The following PCDHA3 variants were observed in gnomAD, a reference collection of about 807,000 sequenced individuals.
PCDHA3 encodes protocadherin alpha-3.
A neutral mutation model predicts 62.2 loss-of-function variants in PCDHA3; 41 were observed. The observed-to-expected ratio is 0.66, with a 90% CI of 0.51 to 0.86. The LOEUF is 0.86. Ranked by LOEUF, PCDHA3 falls within the 40% of genes least tolerant of loss-of-function variation. The pLI, the probability that PCDHA3 is intolerant of heterozygous loss-of-function variation, is 0.00. For missense variants in PCDHA3, 1,304 were observed against 1,241.2 expected (o/e 1.05, Z -0.76); for synonymous variants, 640 against 555.4 (o/e 1.15, Z -2.14).
At chr5:140,841,733 CA>C in intron 1 of PCDHA3, 1 of 1,613,850 alleles carries the variant, frequency 6.2e-7, no homozygotes, top group Non-Finnish European at 8.5e-7. Flanking sequence ...GGTAAAAGAC[CA>C]AAAGCTGTTT....
intron 1 of PCDHA3, chr5:140,969,437 T>C (rs1429370144): frequency 1.8e-5 from 28 of 1,547,818 alleles, no homozygotes; most frequent in Non-Finnish European, 2.4e-5. Context: ...ACAAGAGTTA[T>C]CTGGTAAACT....
chr5:140,901,440 G>C (rs187310877), intron 1 of PCDHA3, among the ~76,000 whole-genome samples: 22 of 152,214 alleles, frequency 1.4e-4, no homozygotes, highest in Admixed American at 5.2e-4. Flanking sequence ...TGGATATCTA[G>C]TTTCCCAGCA....
At chr5:140,968,385 A>G (rs782234319) in intron 1 of PCDHA3, 11 of 1,613,904 alleles carry the variant, frequency 6.8e-6, no homozygotes, top group Non-Finnish European at 9.3e-6. Flanking sequence ...TTTGACTATG[A>G]GAAGTTTCGG....
At position 140,876,440 on chromosome 5, in the gene PCDHA3, T is replaced by C. The variant is rs369023443; in HGVS notation, c.2394+72849T>C. 23 of 1,613,876 alleles carry C rather than the reference T, an allele frequency of 1.4e-5. No individual in the cohort carries two copies. In the Admixed American group the frequency reaches 1.5e-4, roughly 11 times the overall value. On this transcript the variant is annotated intron_variant, in intron 1 of 3. Transcript: ENST00000522353. ...GCCTATGAAATTCAGGTTAACGCCA[T>C]TGATAAAGGGATTCCTTCCATGGCA...
intron 1 of PCDHA3, chr5:140,877,223 C>G: frequency 6.2e-7 from 1 of 1,613,714 alleles, no homozygotes; most frequent in Non-Finnish European, 8.5e-7. Flanking sequence ...GTACCGCGGT[C>G]GGTGGGTGCG....
At chr5:140,928,652 A>T in intron 1 of PCDHA3, 1 of 1,614,188 alleles carries the variant, frequency 6.2e-7, no homozygotes, top group Non-Finnish European at 8.5e-7. Context: ...GTAGCAGAGG[A>T]TGCTGACAGT....
intron 1 of PCDHA3, chr5:140,804,881 C>G: frequency 5.1e-5 from 30 of 583,746 alleles, no homozygotes; most frequent in Admixed American, 3.9e-5. Context: ...TTTCTTGACT[C>G]CTCTCCTTCC....
chr5:140,822,217 G>A (rs1554128520), intron 1 of PCDHA3: 1 of 1,614,270 alleles, frequency 6.2e-7, no homozygotes. Flanking sequence ...AAGAATGCCA[G>A]ATTCGCGGTT....
In PCDHA3 at chr5:140,923,554, G is replaced by T. The variant is rs117642898; in HGVS notation, c.2395-55395G>T. Among the ~76,000 whole-genome samples the T allele has an allele frequency of 6.2e-4, 95 of 152,226 alleles. No individual in the cohort carries two copies. The East Asian group carries it at 0.017, about 28-fold the overall frequency. On this transcript the variant is annotated intron_variant, in intron 1 of 3. Coordinates refer to ENST00000522353, the MANE Select transcript of PCDHA3 (RefSeq NM_018906.3). ...AAAAAAAGGACAAAATGAAATATCA[G>T]CAATGAAAGGTCCTGCTAAAGAGAA...
intron 1 of PCDHA3, chr5:140,808,660 C>T: frequency 2.5e-6 from 4 of 1,613,110 alleles, no homozygotes; most frequent in Non-Finnish European, 3.4e-6. Context: ...CGCTGGTGTC[C>T]TACTCGCTGG....
intron 1 of PCDHA3, among the ~76,000 whole-genome samples, chr5:140,821,111 A>T (rs2150108714): frequency 9.2e-5 from 14 of 152,284 alleles, no homozygotes; most frequent in South Asian, 8.3e-4. Flanking sequence ...TCACTATTAA[A>T]CAGTGAAATT....
intron 1 of PCDHA3, among the ~76,000 whole-genome samples, chr5:140,893,186 T>C (rs2063863300): frequency 6.6e-6 from 1 of 152,230 alleles, no homozygotes; most frequent in Admixed American, 6.5e-5. Context: ...GTAGCTATTG[T>C]GAATAGTGCT....
At chr5:140,803,751 GT>G (rs1763275298) in intron 1 of PCDHA3, 160 bp downstream of exon 1, 2 of 1,306,174 alleles carry the variant, frequency 1.5e-6, no homozygotes, top group Non-Finnish European at 2.1e-6. Context: ...TAAGATTTTT[GT>G]TGCTAATTTT....
At chr5:140,902,938 C>T (rs2069876653) in intron 1 of PCDHA3, among the ~76,000 whole-genome samples, 1 of 152,186 alleles carries the variant, frequency 6.6e-6, no homozygotes. Flanking sequence ...ATATATACCA[C>T]ATTTTCTTTA....
chr5:141,000,555 G>A (rs1395458694), intron 3 of PCDHA3, among the ~76,000 whole-genome samples: 1 of 148,762 alleles, frequency 6.7e-6, no homozygotes, highest in Non-Finnish European at 1.5e-5. Context: ...AAACTCCCGA[G>A]TAGCTGGGAT....
intron 1 of PCDHA3, chr5:140,929,043 C>T: frequency 6.2e-7 from 1 of 1,614,196 alleles, no homozygotes; most frequent in South Asian, 1.1e-5. Flanking sequence ...GCGCTCAGAG[C>T]TGCTGTCGCT....
intron 1 of PCDHA3, among the ~76,000 whole-genome samples, chr5:140,881,035 C>T (rs563210273): frequency 6.6e-6 from 1 of 152,186 alleles, no homozygotes; most frequent in African/African-American, 2.4e-5. Context: ...CAGTCATTTC[C>T]TATAGAGTTG....
chr5:140,888,886 T>TA (rs2062023222), intron 1 of PCDHA3, among the ~76,000 whole-genome samples: 1 of 152,036 alleles, frequency 6.6e-6, no homozygotes, highest in South Asian at 2.1e-4. Flanking sequence ...ATTAAAACAT[T>TA]AGAATTGAGG....
At chr5:140,888,487 A>G (rs2061843954) in intron 1 of PCDHA3, among the ~76,000 whole-genome samples, 1 of 152,162 alleles carries the variant, frequency 6.6e-6, no homozygotes, top group Admixed American at 6.5e-5. Context: ...CTGTTGAGAA[A>G]CTCTGCTTTA....
Sources: allele counts gnomAD v4.1 joint callset (sites outside exome capture counted in the v4.1 genomes callset), GRCh38; gene constraint gnomAD v4.1.1; transcripts MANE v1.5; gene names NCBI Gene and HGNC (gene_info 2026-07-23, HGNC 2026-07-21).